Variants in COPG1 observed in about 807,000 individuals in gnomAD.
COPG1 encodes the protein coat protein complex I subunit gamma 1, also known as coatomer subunit gamma-1.
A neutral mutation model predicts 102.8 loss-of-function variants in COPG1; 29 were observed. That is an observed-to-expected ratio of 0.28 (90% confidence interval 0.21 to 0.38). COPG1 has a LOEUF of 0.38. Among genes scored for constraint, COPG1 ranks in the 10% least tolerant of loss-of-function variants. The pLI, the probability that COPG1 is intolerant of heterozygous loss-of-function variation, is 1.00. For synonymous variants in COPG1, 406 were observed against 421.6 expected, an observed-to-expected ratio of 0.96 and a Z score of 0.45; for missense variants, 875 against 1,132.7, an observed-to-expected ratio of 0.77 and a Z score of 3.27.
intron 14 of COPG1, 57 bp from the exon 15 acceptor site, chr3:129,266,967 C>G: frequency 6.7e-7 from 1 of 1,502,632 alleles, no homozygotes; most frequent in Non-Finnish European, 9.3e-7. Flanking sequence ...CTGGAAGTGC[C>G]CAAACAGTGA....
intron 17 of COPG1, 60 bp downstream of exon 17, chr3:129,268,680 T>C (rs1294628723): frequency 6.3e-6 from 10 of 1,586,720 alleles, no homozygotes; most frequent in East Asian, 2.2e-5. Context: ...AGGGTCTGCA[T>C]TGGCTGCAAA....
rs1939832968 is a variant in COPG1 at position 129,257,524 on chromosome 3, A to G, written c.634A>G (p.Asn212Asp). The G allele has an allele frequency of 1.9e-6, 3 of 1,614,112 alleles. 1 individual carries two copies. In the South Asian group the frequency reaches 3.3e-5, roughly 18 times the overall value. The change falls in exon 9 of 24, where the codon AAT becomes GAT. Residue 212 changes from asparagine to aspartate, a missense_variant. Transcript: ENST00000314797. ...HVRKNDRLAV[N>D]KMISKVTRHG... ...GCGTAAGAATGACCGCCTAGCCGTC[A>G]ATAAGATGATCAGCAAGGTCACACG...
intron 16 of COPG1, among the ~76,000 whole-genome samples, chr3:129,268,281 C>A (rs1307670816): frequency 6.6e-6 from 1 of 152,182 alleles, no homozygotes; most frequent in Non-Finnish European, 1.5e-5. Flanking sequence ...CAGTACTTTA[C>A]CCTTTACAAG....
chr3:129,269,854 G>A (rs1940151769), intron 18 of COPG1, among the ~76,000 whole-genome samples: 1 of 151,552 alleles, frequency 6.6e-6, no homozygotes, highest in Non-Finnish European at 1.5e-5. Flanking sequence ...ATAGCTCTGC[G>A]GTCAGAAGTC....
chr3:129,275,361 A>G lies in COPG1; in HGVS notation c.2494+69A>G. 4 of 1,201,258 alleles carry G rather than the reference A, an allele frequency of 3.3e-6. No individual in the cohort carries two copies. The highest frequency in any genetic ancestry group is 1.2e-5 in the South Asian group (1 of 80,984). The allele number at this position is 1,201,258 out of a possible 1,614,324, so 74.4% of individuals were successfully genotyped here. On this transcript the variant is annotated intron_variant, in intron 23 of 23. Coordinates refer to ENST00000314797, the MANE Select transcript of COPG1 (RefSeq NM_016128.4). The surrounding 1 kb of genome is among the most constrained non-coding windows in gnomAD (Gnocchi z 5.0). ...CCTGGATGCCACTGGATCCTGGGCT[A>G]AGGACTCCACTGTAAATATGGGGAG...
At chr3:129,276,530 T>A (rs181682040) in intron 23 of COPG1, among the ~76,000 whole-genome samples, 2,335 of 152,290 alleles carry the variant, frequency 0.015, 29 homozygotes, top group Middle Eastern at 0.061. Flanking sequence ...TAAACAGGGT[T>A]GAAAGGAGGC....
chr3:129,255,123 T>G (rs1461058602), intron 7 of COPG1, 46 bp downstream of exon 7: 1 of 1,305,540 alleles, frequency 7.7e-7, no homozygotes, highest in South Asian at 1.2e-5. Flanking sequence ...GGTAGAAAAT[T>G]GAAGAAAATT....
chr3:129,262,746 G>A (rs539737173), intron 12 of COPG1, among the ~76,000 whole-genome samples: 55 of 151,404 alleles, frequency 3.6e-4, no homozygotes, highest in African/African-American at 1.3e-3. Context: ...TTGGCTGGGC[G>A]CGGTGGCTTA....
At chr3:129,266,319 G>A (rs1940059233) in intron 14 of COPG1, among the ~76,000 whole-genome samples, 1 of 151,828 alleles carries the variant, frequency 6.6e-6, no homozygotes, top group Admixed American at 6.6e-5. Context: ...AATTGAGACG[G>A]GGTCTTGCTA....
In COPG1 at chr3:129,275,671, T is replaced by G. The variant is rs1193861438; in HGVS notation, c.2494+379T>G. Among the ~76,000 whole-genome samples, 1 of 152,238 alleles carries G rather than the reference T, an allele frequency of 6.6e-6. No homozygotes were observed. The highest frequency in any genetic ancestry group is 1.5e-5 in the Non-Finnish European group (1 of 68,030). ...ATCTTAGAGATCTTCCCCGTCAATATGTAGAGCTTCCTCATTCTTTTTCTT... is the reference window on the plus strand; with the variant it reads ...ATCTTAGAGATCTTCCCCGTCAATAGGTAGAGCTTCCTCATTCTTTTTCTT... On this transcript the variant is annotated intron_variant, in intron 23 of 23. Transcript: ENST00000314797. This position sits in a 1 kb window ranked among gnomAD's most constrained non-coding sequence, Gnocchi z 5.0.
chr3:129,258,953 C>T (rs2107674732), intron 10 of COPG1, among the ~76,000 whole-genome samples: 1 of 152,162 alleles, frequency 6.6e-6, no homozygotes, highest in East Asian at 1.9e-4. Flanking sequence ...GGGTGAGAAA[C>T]CTGGATTCAA....
intron 16 of COPG1, among the ~76,000 whole-genome samples, chr3:129,268,253 A>T (rs1205859972): frequency 6.6e-6 from 1 of 152,204 alleles, no homozygotes; most frequent in Non-Finnish European, 1.5e-5. Context: ...CTCATCATTA[A>T]TAAAAACTTT....
chr3:129,255,027 A>G lies in COPG1; in HGVS notation c.442A>G (p.Ile148Val). Residue 148 changes from isoleucine (I) to valine (V), a missense_variant, in exon 7 of 24, where the codon ATT (isoleucine) becomes GTT (valine). Ile to Val is a conservative substitution (Grantham distance 29). Coordinates refer to ENST00000314797, the MANE Select transcript of COPG1 (RefSeq NM_016128.4). ...TATTGAGCGCTACATGAAACAAGCC[A>G]TTGTGGACAAGGTGCCCAGTGTCTC... ...QAIERYMKQA[I>V]VDKVPSVSSS... The G allele has an allele frequency of 6.2e-7, 1 of 1,614,164 alleles. No homozygotes were observed. The highest frequency in any genetic ancestry group is 8.5e-7 in the Non-Finnish European group (1 of 1,180,018).
chr3:129,251,406 G>A (rs1210155566), intron 2 of COPG1, among the ~76,000 whole-genome samples: 1 of 148,576 alleles, frequency 6.7e-6, no homozygotes, highest in Non-Finnish European at 1.5e-5. Flanking sequence ...TTTTTAGAAG[G>A]CGTCTCACTC....
At position 129,260,363 on chromosome 3, in the gene COPG1, C is replaced by T. The variant is rs770525944; in HGVS notation, c.902C>T (p.Ala301Val). Residue 301 changes from alanine (A) to valine (V), a missense_variant, in exon 11 of 24, where the codon GCT becomes GTT. Coordinates refer to ENST00000314797, the MANE Select transcript of COPG1 (RefSeq NM_016128.4). ...CAGCTTTTCTGCAGCTCACCCAAGG[C>T]TGCTCTCCGCTATGCTGCTGTTCGT... is the stretch of plus-strand genomic sequence containing the variant. ...VLQLFCSSPK[A>V]ALRYAAVRTL... The T allele has an allele frequency of 1.0e-4, 161 of 1,614,070 alleles. No homozygotes were observed. Among genetic ancestry groups the T allele is most frequent in the Non-Finnish European group, 1.3e-4 (151 of 1,180,026 alleles).
At position 129,275,018 on chromosome 3, in the gene COPG1, A is replaced by G; in HGVS notation, c.2395+42A>G. On this transcript the variant is annotated intron_variant, in intron 22 of 23. Transcript: ENST00000314797. The surrounding 1 kb of genome is among the most constrained non-coding windows in gnomAD (Gnocchi z 5.0). ...GCCATCTCTGGCCTAATTACTGTTC[A>G]AGATCTTTGGCTACTATTGAAGTGC... 6.2e-7 allele frequency: 1 copy of G among 1,608,282 alleles called. No individual in the cohort carries two copies. Among genetic ancestry groups the G allele is most frequent in the Non-Finnish European group, 8.5e-7 (1 of 1,175,278 alleles).
At position 129,257,640 on chromosome 3, in the gene COPG1, A is replaced by T. The variant is rs1052122356; in HGVS notation, c.737+13A>T. 3.1e-6 allele frequency: 5 copies of T among 1,614,022 alleles called. No individual in the cohort carries two copies. The highest frequency in any genetic ancestry group is 4.2e-6 in the Non-Finnish European group (5 of 1,179,998). ...AGGAGGATGGCAGGTAACGGCTCTC[A>T]TCTCTCACCAGCTAGATGATGCCTC... On this transcript the variant is annotated intron_variant, in intron 9 of 23. Transcript: ENST00000314797.
At chr3:129,264,048 GTGA>G (rs751238466) in intron 13 of COPG1, 49 bp downstream of exon 13, 2 of 1,465,240 alleles carry the variant, frequency 1.4e-6, no homozygotes, top group East Asian at 4.5e-5. Flanking sequence ...GGTGCAGGGA[GTGA>G]CCTGACCACT....
At chr3:129,251,127 G>A (rs1056010794) in intron 2 of COPG1, among the ~76,000 whole-genome samples, 1 of 150,796 alleles carries the variant, frequency 6.6e-6, no homozygotes, top group Non-Finnish European at 1.5e-5. Context: ...GTTTCACCGC[G>A]TTAGCCAGGA....
Sources: gnomAD v4.1 joint callset for allele counts (sites outside exome capture counted in the v4.1 genomes callset) on GRCh38, gnomAD v4.1.1 for gene constraint, Gnocchi (gnomAD v3.1) non-coding constraint, MANE v1.5 for transcripts, NCBI Gene and HGNC (gene_info 2026-07-23, HGNC 2026-07-21) for gene names.